WDPCP: variants seen among roughly 807,000 people sequenced by gnomAD.
The protein encoded by WDPCP is WD repeat containing planar cell polarity effector.
Under a neutral mutation model 93.1 loss-of-function variants are expected in WDPCP, and 71 were observed. That is an observed-to-expected ratio of 0.76 (90% CI 0.63 to 0.93). The LOEUF is 0.93. Among genes scored for constraint, WDPCP ranks in the 40% least tolerant of loss-of-function variants. The pLI is 0.00. For synonymous variants in WDPCP, 315 were observed against 315.0 expected, an observed-to-expected ratio of 1.00 and a Z score of 0.00; for missense variants, 844 against 887.4, an observed-to-expected ratio of 0.95 and a Z score of 0.62.
rs1710437837 is a variant in WDPCP at position 63,677,512 on chromosome 2, A to G, written n.309-26674T>C. On this transcript the variant is annotated intron_variant and non_coding_transcript_variant, in intron 2 of 4. Transcript: ENST00000467687. Reference sequence around the variant, plus strand: ...AGTACAAAGAAAACCATGCCTATGCACGTGACGATAAAAGTACTAAAAATC... The same window carrying G: ...AGTACAAAGAAAACCATGCCTATGCGCGTGACGATAAAAGTACTAAAAATC... 2.1e-5 allele frequency among the ~76,000 whole-genome samples: 3 copies of G among 146,202 alleles called. No homozygotes were observed. The Admixed American group carries it at 2.1e-4, about 10-fold the overall frequency.
chr2:63,498,558 C>A (rs1465372526), intron 1 of WDPCP, among the ~76,000 whole-genome samples: 5 of 152,062 alleles, frequency 3.3e-5, no homozygotes, highest in Non-Finnish European at 7.4e-5. Context: ...AAGTAACATG[C>A]AAAATAGAAA....
In WDPCP at chr2:63,721,364, C is replaced by T. The variant is rs138083344; in HGVS notation, n.309-70526G>A. On this transcript the variant is annotated intron_variant and non_coding_transcript_variant, in intron 2 of 4. Transcript: ENST00000467687. ...CAACCAGACAGCAATCTTGTCAACT[C>T]TATCTCCTGTGTTATCTCTGGAACT... 3.0e-3 allele frequency among the ~76,000 whole-genome samples: 452 copies of T among 152,272 alleles called. 1 individual carries two copies. The highest frequency in any genetic ancestry group is 4.9e-3 in the Non-Finnish European group (330 of 68,018).
intron 14 of WDPCP, among the ~76,000 whole-genome samples, chr2:63,206,865 A>G (rs890721683): frequency 2.0e-5 from 3 of 152,246 alleles, no homozygotes; most frequent in Non-Finnish European, 2.9e-5. Context: ...TGGTTAAGAT[A>G]GTAACTTTTC....
intron 6 of WDPCP, among the ~76,000 whole-genome samples, chr2:63,477,598 T>C (rs912607299): frequency 1.3e-5 from 2 of 151,976 alleles, no homozygotes; most frequent in Non-Finnish European, 2.9e-5. Flanking sequence ...TCATGAACTT[T>C]TGCTCCAAGA....
Position 63,531,490 on chromosome 2 carries a change from C to A in WDPCP, c.76-38550G>T, listed in dbSNP as rs1353715818. 3.9e-5 allele frequency among the ~76,000 whole-genome samples: 6 copies of A among 152,126 alleles called. No individual in the cohort carries two copies. In the East Asian group the frequency reaches 1.2e-3, roughly 29 times the overall value. The stretch of plus-strand genomic sequence containing the variant: ...TGGGTGCCCCTCTAAGATGAAGCTT[C>A]CAGAGGAAGGATCAGGCAGCAACAT... On this transcript the variant is annotated intron_variant, in intron 1 of 17. Transcript: ENST00000272321.
intron 2 of WDPCP, among the ~76,000 whole-genome samples, chr2:63,719,621 G>A (rs893367507): frequency 2.0e-5 from 3 of 152,218 alleles, no homozygotes; most frequent in Middle Eastern, 3.4e-3. Context: ...TTTAATAGAC[G>A]TGTGGTGGGT....
intron 6 of WDPCP, among the ~76,000 whole-genome samples, chr2:63,447,593 A>G (rs547827997): frequency 5.9e-5 from 9 of 152,304 alleles, no homozygotes; most frequent in African/African-American, 2.2e-4. Flanking sequence ...TTATTAAAAA[A>G]TTTTAAGACC....
At chr2:63,266,833 A>G (rs1682170666) in intron 13 of WDPCP, among the ~76,000 whole-genome samples, 1 of 152,150 alleles carries the variant, frequency 6.6e-6, no homozygotes, top group Non-Finnish European at 1.5e-5. Flanking sequence ...ATAAAATTAA[A>G]AAATAAATAA....
chr2:63,310,544 T>G (rs1686106768), intron 13 of WDPCP, among the ~76,000 whole-genome samples: 1 of 152,212 alleles, frequency 6.6e-6, no homozygotes, highest in Non-Finnish European at 1.5e-5. Context: ...AGGAACAATT[T>G]TATGTGACAT....
chr2:63,579,473 G>T (rs1708347731), intron 1 of WDPCP, among the ~76,000 whole-genome samples: 1 of 152,102 alleles, frequency 6.6e-6, no homozygotes, highest in Non-Finnish European at 1.5e-5. Flanking sequence ...AGCTGGGTGT[G>T]GTGGCACACA....
rs556320591 is a variant in WDPCP, at chr2:63,662,023, A to G, written n.309-11185T>C. On this transcript the variant is annotated intron_variant and non_coding_transcript_variant, in intron 2 of 4. Coordinates refer to the WDPCP transcript ENST00000467687. ...AGAGACAAGGTAAGAGGGGAAGCAT[A>G]AAATCTTAAAATGATGAAATTGGAA... is the stretch of plus-strand genomic sequence containing the variant. Among the ~76,000 whole-genome samples, 33 of 152,328 alleles carry G rather than the reference A, an allele frequency of 2.2e-4. No homozygotes were observed. The South Asian group carries it at 5.6e-3, about 26-fold the overall frequency.
chr2:63,644,107 G>C (rs1268951442), intron 3 of WDPCP: 1 of 339,932 alleles, frequency 2.9e-6, no homozygotes, highest in Non-Finnish European at 5.7e-6. Flanking sequence ...TTAGTATTTT[G>C]TTGAGAATTT....
intron 12 of WDPCP, among the ~76,000 whole-genome samples, chr2:63,315,730 A>C (rs1686583447): frequency 6.6e-6 from 1 of 151,870 alleles, no homozygotes; most frequent in African/African-American, 2.4e-5. Flanking sequence ...TTTTAGAAAT[A>C]AAAATCTAAT....
chr2:63,124,192 A>G (rs931073394), intron 17 of WDPCP, among the ~76,000 whole-genome samples: 5 of 151,702 alleles, frequency 3.3e-5, no homozygotes, highest in Admixed American at 6.6e-5. Context: ...AAGCTTCTGG[A>G]TAAACACTGT....
chr2:63,152,886 C>T, intron 17 of WDPCP, 28 bp downstream of exon 17: 1 of 1,599,690 alleles, frequency 6.3e-7, no homozygotes, highest in Non-Finnish European at 8.6e-7. Context: ...ATTTAAATGT[C>T]TAGTAATAAA....
At chr2:63,659,235 G>T (rs749379312) in intron 2 of WDPCP, among the ~76,000 whole-genome samples, 2 of 152,148 alleles carry the variant, frequency 1.3e-5, no homozygotes, top group Non-Finnish European at 2.9e-5. Context: ...GAAGTTTCAG[G>T]ATATCAGAAA....
At position 63,735,758 on chromosome 2, in the gene WDPCP, C is replaced by T. The variant is rs545849849; in HGVS notation, n.308+77864G>A. ...GAAAGAAATATTATGAAATCAGAAT[C>T]GAATAAATGTTTCATATTCTTGTTG... On this transcript the variant is annotated intron_variant and non_coding_transcript_variant, in intron 2 of 4. Coordinates refer to the WDPCP transcript ENST00000467687. Among the ~76,000 whole-genome samples the T allele has an allele frequency of 8.4e-4, 128 of 152,176 alleles. 1 individual carries two copies. The highest frequency in any genetic ancestry group is 3.0e-3 in the African/African-American group (125 of 41,520).
At chr2:63,162,966 A>G (rs1260577942) in intron 15 of WDPCP, among the ~76,000 whole-genome samples, 1 of 152,172 alleles carries the variant, frequency 6.6e-6, no homozygotes, top group Non-Finnish European at 1.5e-5. Context: ...TAGATTTTCT[A>G]AGTTTTTCAT....
chr2:63,267,415 A>G (rs1418195233), intron 13 of WDPCP, among the ~76,000 whole-genome samples: 2 of 152,196 alleles, frequency 1.3e-5, no homozygotes, highest in Non-Finnish European at 2.9e-5. Flanking sequence ...ACTCCTCAAC[A>G]TTTGCCTGGG....
Sources: allele counts gnomAD v4.1 joint callset (sites outside exome capture counted in the v4.1 genomes callset), GRCh38; gene constraint gnomAD v4.1.1; transcripts MANE v1.5; gene names NCBI Gene and HGNC (gene_info 2026-07-23, HGNC 2026-07-21).